FAR2: variants seen among roughly 807,000 people sequenced by gnomAD.
The protein encoded by FAR2 is fatty acyl-CoA reductase 2.
Under a neutral mutation model 56.0 loss-of-function variants are expected in FAR2, and 19 were observed. The observed-to-expected ratio is 0.34, with a 90% CI of 0.24 to 0.50. The LOEUF (loss-of-function observed/expected upper bound fraction) is 0.50, where lower values mean the gene tolerates loss of function less well. Ranked by LOEUF, FAR2 falls within the 20% of genes least tolerant of loss-of-function variation. The pLI is 0.98. For missense variants in FAR2, 508 were observed against 642.2 expected (o/e 0.79, Z 2.26); for synonymous variants, 219 against 218.8 (o/e 1.00, Z -0.01).
intron 2 of FAR2, among the ~76,000 whole-genome samples, chr12:29,272,390 C>T (rs941867202): frequency 2.0e-5 from 3 of 152,124 alleles, no homozygotes; most frequent in Admixed American, 1.3e-4. Flanking sequence ...GGTCTTTAAA[C>T]TCTGATATCC....
chr12:29,326,236 G>C (rs924212645), intron 10 of FAR2, among the ~76,000 whole-genome samples: 1 of 152,130 alleles, frequency 6.6e-6, no homozygotes, highest in Admixed American at 6.5e-5. Context: ...CCAATAACAG[G>C]CTCTGAAATT....
At chr12:29,285,005 C>T (rs957153272) in intron 2 of FAR2, among the ~76,000 whole-genome samples, 1 of 152,106 alleles carries the variant, frequency 6.6e-6, no homozygotes, top group African/African-American at 2.4e-5. Flanking sequence ...CCACGCCCGG[C>T]TAATTTTTTG....
intron 4 of FAR2, among the ~76,000 whole-genome samples, chr12:29,300,126 A>G (rs1949138979): frequency 6.6e-6 from 1 of 152,166 alleles, no homozygotes; most frequent in Non-Finnish European, 1.5e-5. Context: ...TACTGTTTTG[A>G]CTGTTTTTGT....
intron 1 of FAR2, among the ~76,000 whole-genome samples, chr12:29,263,372 A>G (rs558407224): frequency 6.6e-6 from 1 of 152,300 alleles, no homozygotes; most frequent in African/African-American, 2.4e-5. Context: ...AACATGGATC[A>G]TTCTCAAGGA....
At chr12:29,288,064 T>C (rs184151135) in intron 2 of FAR2, among the ~76,000 whole-genome samples, 1 of 152,354 alleles carries the variant, frequency 6.6e-6, no homozygotes, top group African/African-American at 2.4e-5. Context: ...GCCTCTGGGC[T>C]ACAAGTAACT....
At position 29,159,288 on chromosome 12, in the gene FAR2, T is replaced by C. The variant is rs373991354; in HGVS notation, c.-39+9881T>C. Among the ~76,000 whole-genome samples the C allele has an allele frequency of 3.3e-5, 5 of 152,154 alleles. No homozygotes were observed. The South Asian group carries it at 6.2e-4, about 19-fold the overall frequency. On this transcript the variant is annotated intron_variant, in intron 1 of 11. Coordinates refer to ENST00000536681, the MANE Select transcript of FAR2 (RefSeq NM_001271783.2). ...GCACGGTGGCTCATGCCTGTAATCC[T>C]AGCACTTTGGGAGGCCAAGGCGGGC...
chr12:29,241,879 C>G (rs766846376), intron 1 of FAR2, among the ~76,000 whole-genome samples: 1 of 152,176 alleles, frequency 6.6e-6, no homozygotes, highest in Non-Finnish European at 1.5e-5. Flanking sequence ...GTGTAGCACC[C>G]CCTGGGTGCG....
At chr12:29,310,850 G>T (rs929627507) in intron 6 of FAR2, among the ~76,000 whole-genome samples, 178 bp from the exon 7 acceptor site, 1 of 152,256 alleles carries the variant, frequency 6.6e-6, no homozygotes, top group South Asian at 2.1e-4. Context: ...CATGCACTTG[G>T]CTGGGAAGGT....
At chr12:29,170,592 ACTCC>A (rs1949875486) in intron 1 of FAR2, among the ~76,000 whole-genome samples, 1 of 140,258 alleles carries the variant, frequency 7.1e-6, no homozygotes, top group Non-Finnish European at 1.6e-5. Context: ...TCTCTTTCTG[ACTCC>A]CTCTTTGTCT....
intron 1 of FAR2, among the ~76,000 whole-genome samples, chr12:29,269,385 T>C (rs1323355080): frequency 6.6e-6 from 1 of 152,224 alleles, no homozygotes. Flanking sequence ...TCTTATTCCC[T>C]GAACAATTTC....
Position 29,311,908 on chromosome 12 carries a change from A to G in FAR2, c.913A>G (p.Ile305Val). ...HRPKSTLVYH[I>V]TSGNMNPCNW... The stretch of plus-strand genomic sequence containing the variant: ...ACCTAAGTCAACATTAGTCTACCAC[A>G]TTACATCTGGTAACATGAATCCCTG... Residue 305 changes from isoleucine to valine, a missense_variant, in exon 8 of 12, where the codon ATT (isoleucine) becomes GTT (valine). Ile to Val is a conservative substitution (Grantham distance 29). Coordinates refer to ENST00000536681, the MANE Select transcript of FAR2 (RefSeq NM_001271783.2). 3.1e-6 allele frequency: 5 copies of G among 1,611,566 alleles called. No individual in the cohort carries two copies. Among genetic ancestry groups the G allele is most frequent in the Non-Finnish European group, 4.2e-6 (5 of 1,178,680 alleles).
chr12:29,201,028 C>G (rs372225847), intron 1 of FAR2, among the ~76,000 whole-genome samples: 2 of 152,124 alleles, frequency 1.3e-5, no homozygotes, highest in South Asian at 4.1e-4. Context: ...GGGACAGACT[C>G]CCTGCAGCTG....
At position 29,270,560 on chromosome 12, in the gene FAR2, G is replaced by A. The variant is rs1373646896; in HGVS notation, c.111G>A (p.Leu37=). The change falls in exon 2 of 12, where the codon CTG becomes CTA. Residue 37 remains leucine (L), a synonymous_variant. Transcript: ENST00000536681. Reference sequence around the variant, plus strand: ...AGCTGTTTCGCACCAGCCCAGACCTGAAAGTCATTTACATCCTTGTGAGGC... The same window carrying A: ...AGCTGTTTCGCACCAGCCCAGACCTAAAAGTCATTTACATCCTTGTGAGGC... ...MEKLFRTSPD[L]KVIYILVRPK... is the part of the protein sequence containing the mutation. 1 of 1,614,124 alleles carries A rather than the reference G, an allele frequency of 6.2e-7. No homozygotes were observed. Among genetic ancestry groups the A allele is most frequent in the Non-Finnish European group, 8.5e-7 (1 of 1,179,980 alleles).
chr12:29,224,714 A>G (rs1166023602), intron 1 of FAR2, among the ~76,000 whole-genome samples: 1 of 152,182 alleles, frequency 6.6e-6, no homozygotes, highest in East Asian at 1.9e-4. Flanking sequence ...TCTCTATGGG[A>G]CATGTTCAAA....
chr12:29,173,369 G>A (rs1012252774), intron 1 of FAR2, among the ~76,000 whole-genome samples: 45 of 152,254 alleles, frequency 3.0e-4, no homozygotes, highest in Admixed American at 2.0e-3. Context: ...GAGCAATAGG[G>A]AGGCTAGGAT....
intron 1 of FAR2, among the ~76,000 whole-genome samples, chr12:29,258,451 G>A (rs996018627): frequency 2.6e-5 from 4 of 152,056 alleles, no homozygotes; most frequent in African/African-American, 4.8e-5. Flanking sequence ...ATATTATTTT[G>A]TAAATGCTTC....
intron 1 of FAR2, among the ~76,000 whole-genome samples, chr12:29,184,324 G>GTTCAAGAC (rs1377880741): frequency 4.1e-5 from 6 of 147,616 alleles, no homozygotes; most frequent in South Asian, 2.2e-4. Context: ...ACCACTCAGA[G>GTTCAAGAC]TTCAAGACTG....
intron 11 of FAR2, 82 bp from the exon 12 acceptor site, chr12:29,333,550 C>A (rs1949760594): frequency 1.5e-6 from 2 of 1,308,586 alleles, no homozygotes; most frequent in African/African-American, 1.5e-5. Context: ...CAGTCATATC[C>A]AGGAAAACAC....
intron 1 of FAR2, among the ~76,000 whole-genome samples, chr12:29,224,777 G>C (rs1947738801): frequency 6.6e-6 from 1 of 152,078 alleles, no homozygotes; most frequent in Non-Finnish European, 1.5e-5. Flanking sequence ...GTTTTAAAAA[G>C]ATAATAGTGT....
Sources: gnomAD v4.1 joint callset for allele counts (sites outside exome capture counted in the v4.1 genomes callset) on GRCh38, gnomAD v4.1.1 for gene constraint, MANE v1.5 for transcripts, NCBI Gene and HGNC (gene_info 2026-07-23, HGNC 2026-07-21) for gene names.